Variants in CCER2 observed in about 807,000 individuals in gnomAD.
The protein encoded by CCER2 is coiled-coil domain-containing glutamate-rich protein 2.
In CCER2, 20 loss-of-function variants were observed where a neutral mutation model predicts 27.1. That is an observed-to-expected ratio of 0.74 (90% CI 0.52 to 1.07). CCER2 has a LOEUF of 1.07. CCER2 is among the 50% of genes least tolerant of loss of function. The pLI, the probability that CCER2 is intolerant of heterozygous loss-of-function variation, is 0.00. For synonymous variants in CCER2, 140 were observed against 144.3 expected (o/e 0.97, Z 0.21); for missense variants, 351 against 344.7 (o/e 1.02, Z -0.14).
Position 38,912,137 on chromosome 19 carries a change from A to T in CCER2, c.22T>A (p.Ser8Thr). ...AGCAGCCGCAGCAGCAGCAGCTCAG[A>T]GGCTGGCCCTCGGGGCGGCATGGTG... Reference protein sequence around the residue: MPPRGPASELLLLRLLLL... With the variant: MPPRGPATELLLLRLLLL... The change falls in exon 1 of 5, where the codon TCT becomes ACT. Residue 8 changes from serine to threonine, a missense_variant. Ser to Thr is a moderately conservative substitution (Grantham distance 58). Transcript: ENST00000571838. 6.7e-7 allele frequency: 1 copy of T among 1,503,116 alleles called. No individual in the cohort carries two copies. Among genetic ancestry groups the T allele is most frequent in the Non-Finnish European group, 8.8e-7 (1 of 1,133,104 alleles). The allele number at this position is 1,503,116 out of a possible 1,614,324, so 93.1% of individuals were successfully genotyped here.
intron 4 of CCER2, 104 bp from the exon 5 acceptor site, chr19:38,909,429 G>A: frequency 9.4e-7 from 1 of 1,066,796 alleles, no homozygotes; most frequent in South Asian, 1.4e-5. Flanking sequence ...GCATCCAGCA[G>A]CGGTCGTTCT....
chr19:38,911,544 G>T, intron 3 of CCER2, 22 bp downstream of exon 3: 1 of 1,532,964 alleles, frequency 6.5e-7, no homozygotes, highest in Non-Finnish European at 8.7e-7. Flanking sequence ...TGGAGGGCAA[G>T]TGGGGCCCGG....
In CCER2 at chr19:38,910,693, T is replaced by G. The variant is rs1600156140; in HGVS notation, c.581A>C (p.Asp194Ala). The G allele has an allele frequency of 6.5e-7, 1 of 1,533,352 alleles. No individual in the cohort carries two copies. Among genetic ancestry groups the G allele is most frequent in the South Asian group, 1.2e-5 (1 of 83,676 alleles). The allele number at this position is 1,533,352 out of a possible 1,614,324, so 95.0% of individuals were successfully genotyped here. A position where few individuals can be genotyped will look rare whatever the true frequency, so the allele number is the denominator to read the frequency against. ...CTCGGCCCCCTGCCACAGGCTGCGG[T>G]CCCCGCCCAGCACCCGCACCCCCTT... ...EEKGVRVLGG[D>A]RSLWQGAERG... Residue 194 changes from aspartate (D) to alanine (A), a missense_variant, in exon 4 of 5, where the codon GAC (aspartate) becomes GCC (alanine). Asp to Ala is a moderately radical substitution (Grantham distance 126). Coordinates refer to ENST00000571838, the MANE Select transcript of CCER2 (RefSeq NM_001243212.2).
In CCER2 at chr19:38,909,225, T is replaced by C; in HGVS notation, c.*11A>G. ...GGGTGTGTCAGGAGGAAGGAGGGAC[T>C]GAGGTAGGGGTCAGCCCTCCCTCCT... On this transcript the variant is annotated 3_prime_UTR_variant, in exon 5 of 5. Coordinates refer to ENST00000571838, the MANE Select transcript of CCER2 (RefSeq NM_001243212.2). The C allele has an allele frequency of 6.5e-7, 1 of 1,534,298 alleles. No individual in the cohort carries two copies. The highest frequency in any genetic ancestry group is 8.7e-7 in the Non-Finnish European group (1 of 1,145,648).
Position 38,911,189 on chromosome 19 carries a change from C to T in CCER2, c.191-106G>A, listed in dbSNP as rs1015656123. Reference sequence around the variant, plus strand: ...CAGCACTTTGGGAGGCCGTGGCGGCCGATCACCTGAGGTCAGGAGTTTGAA... The same window carrying T: ...CAGCACTTTGGGAGGCCGTGGCGGCTGATCACCTGAGGTCAGGAGTTTGAA... On this transcript the variant is annotated intron_variant, in intron 3 of 4. Transcript: ENST00000571838. 28 of 1,180,208 alleles carry T rather than the reference C, an allele frequency of 2.4e-5. 1 individual carries two copies. In the South Asian group the frequency reaches 3.0e-4, roughly 13 times the overall value. 73.1% of individuals were successfully genotyped at this position (1,180,208 alleles called of 1,614,324 possible). A position where few individuals can be genotyped will look rare whatever the true frequency, so the allele number is the denominator to read the frequency against.
intron 4 of CCER2, 102 bp downstream of exon 4, chr19:38,910,461 G>T: frequency 7.1e-7 from 1 of 1,398,646 alleles, no homozygotes; most frequent in Non-Finnish European, 9.3e-7. Context: ...TGGATCTGGT[G>T]GTGCAGGGCC....
Position 38,912,114 on chromosome 19 carries a change from C to T in CCER2, c.45G>A (p.Leu15=). 1 of 1,515,332 alleles carries T rather than the reference C, an allele frequency of 6.6e-7. No individual in the cohort carries two copies. Among genetic ancestry groups the T allele is most frequent in the Non-Finnish European group, 8.8e-7 (1 of 1,138,434 alleles). 93.9% of individuals were successfully genotyped at this position (1,515,332 alleles called of 1,614,324 possible). ...CGCACTCACCCGCCCCCAGCAGGAG[C>T]AGCCGCAGCAGCAGCAGCTCAGAGG... ...GPASELLLLR[L]LLLGAATAAP... Residue 15 remains leucine (L), a synonymous_variant, in exon 1 of 5, where the codon CTG becomes CTA. Transcript: ENST00000571838.
At position 38,911,815 on chromosome 19, in the gene CCER2, C is replaced by G. The variant is rs76973734; in HGVS notation, c.99G>C (p.Glu33Asp). The G allele has an allele frequency of 0.2, 310,428 of 1,534,808 alleles. 32,410 individuals are homozygous for G. Among genetic ancestry groups the G allele is most frequent in the East Asian group, 0.29 (12,036 of 40,850 alleles). The change falls in exon 2 of 5, where the codon GAG (glutamate) becomes GAC (aspartate). Residue 33 changes from glutamate to aspartate, a missense_variant. Coordinates refer to ENST00000571838, the MANE Select transcript of CCER2 (RefSeq NM_001243212.2). ...GCAAGGCCTCCACACTCCTCACCTCCTCCTTGGAGGGTCTCGGTGCCAAGG... is the reference window on the plus strand; with the variant it reads ...GCAAGGCCTCCACACTCCTCACCTCGTCCTTGGAGGGTCTCGGTGCCAAGG... ...AAPLAPRPSKEELTRCLAEVV... is the reference protein window; with the variant it reads ...AAPLAPRPSKDELTRCLAEVV...
At chr19:38,912,014 T>C (rs1259353045) in intron 1 of CCER2, 84 bp downstream of exon 1, 2 of 1,487,096 alleles carry the variant, frequency 1.3e-6, no homozygotes, top group Admixed American at 2.2e-5. Flanking sequence ...GCCTCTCCAC[T>C]GGGTGCACTG....
In CCER2 at chr19:38,910,951, ACCT is replaced by A. The variant is rs761558681; in HGVS notation, c.320_322del (p.Glu107del). 1.3e-6 allele frequency: 2 copies of A among 1,516,550 alleles called. No homozygotes were observed. Among genetic ancestry groups the A allele is most frequent in the South Asian group, 2.5e-5 (2 of 80,480 alleles). The allele number at this position is 1,516,550 out of a possible 1,614,324, so 93.9% of individuals were successfully genotyped here. A position where few individuals can be genotyped will look rare whatever the true frequency, so the allele number is the denominator to read the frequency against. Reference sequence around the variant, plus strand: ...CTCAGACTTGTGGGTCCTCTCTGCTACCTCCTCCTCTTCCTCATCCCTCACCTC... The same window carrying A: ...CTCAGACTTGTGGGTCCTCTCTGCTACCTCCTCTTCCTCATCCCTCACCTC... On this transcript the variant is annotated inframe_deletion, in exon 4 of 5. Transcript: ENST00000571838.
chr19:38,911,747 C>T, intron 2 of CCER2, 65 bp downstream of exon 2: 1 of 1,526,768 alleles, frequency 6.5e-7, no homozygotes, highest in Non-Finnish European at 8.8e-7. Context: ...GATCATGGGG[C>T]AGGCTGTGCA....
Position 38,910,697 on chromosome 19 carries a change from C to A in CCER2, c.577G>T (p.Gly193Trp). 2 of 1,533,304 alleles carry A rather than the reference C, an allele frequency of 1.3e-6. No individual in the cohort carries two copies. The highest frequency in any genetic ancestry group is 1.7e-6 in the Non-Finnish European group (2 of 1,145,562). 95.0% of individuals were successfully genotyped at this position (1,533,304 alleles called of 1,614,324 possible). A position where few individuals can be genotyped will look rare whatever the true frequency, so the allele number is the denominator to read the frequency against. ...AEEKGVRVLG[G>W]DRSLWQGAER... is the part of the protein sequence containing the mutation. The stretch of plus-strand genomic sequence containing the variant: ...GCCCCCTGCCACAGGCTGCGGTCCC[C>A]GCCCAGCACCCGCACCCCCTTCTCC... The change falls in exon 4 of 5, where the codon GGG becomes TGG. Residue 193 changes from glycine to tryptophan, a missense_variant. Transcript: ENST00000571838.
chr19:38,909,234 G>A lies in CCER2; in HGVS notation c.*2C>T. The A allele has an allele frequency of 1.3e-6, 2 of 1,535,164 alleles. No homozygotes were observed. Among genetic ancestry groups the A allele is most frequent in the Non-Finnish European group, 1.7e-6 (2 of 1,146,496 alleles). ...AGGAGGAAGGAGGGACTGAGGTAGG[G>A]GTCAGCCCTCCCTCCTGAGCTGCTC... On this transcript the variant is annotated 3_prime_UTR_variant, in exon 5 of 5. Transcript: ENST00000571838.
In CCER2 at chr19:38,910,958, C is replaced by G. The variant is rs1456334954; in HGVS notation, c.316G>C (p.Glu106Gln). The change falls in exon 4 of 5, where the codon GAG becomes CAG. Residue 106 changes from glutamate to glutamine, a missense_variant. By Grantham distance (29) the Glu-to-Gln change is conservative. Transcript: ENST00000571838. ...TTGTGGGTCCTCTCTGCTACCTCCT[C>G]CTCTTCCTCATCCCTCACCTCCTGG... The part of the protein sequence containing the change: ...SSQEVRDEEE[E>Q]EVAERTHKSE... The G allele has an allele frequency of 2.0e-6, 3 of 1,520,980 alleles. No individual in the cohort carries two copies. Among genetic ancestry groups the G allele is most frequent in the Non-Finnish European group, 2.6e-6 (3 of 1,139,422 alleles). The allele number at this position is 1,520,980 out of a possible 1,614,324, so 94.2% of individuals were successfully genotyped here.
At position 38,912,181 on chromosome 19, in the gene CCER2, G is replaced by A. The variant is rs1252032989; in HGVS notation, c.-23C>T. 1 of 1,458,166 alleles carries A rather than the reference G, an allele frequency of 6.9e-7. No homozygotes were observed. The highest frequency in any genetic ancestry group is 9.0e-7 in the Non-Finnish European group (1 of 1,110,746). 90.3% of individuals were successfully genotyped at this position (1,458,166 alleles called of 1,614,324 possible). On this transcript the variant is annotated 5_prime_UTR_variant, in exon 1 of 5. Transcript: ENST00000571838. ...CATGGTGGGCGTCCAACGGGTCCAAGGCGCTGTGCGGGCCAGGGTTGCAGC... is the reference window on the plus strand; with the variant it reads ...CATGGTGGGCGTCCAACGGGTCCAAAGCGCTGTGCGGGCCAGGGTTGCAGC...
intron 1 of CCER2, 117 bp downstream of exon 1, chr19:38,911,981 C>G: frequency 6.8e-7 from 1 of 1,476,154 alleles, no homozygotes; most frequent in South Asian, 1.3e-5. Flanking sequence ...GTACTGTCCC[C>G]CGCTGGAGGC....
intron 4 of CCER2, among the ~76,000 whole-genome samples, chr19:38,909,852 G>A (rs1030154253): frequency 2.1e-4 from 32 of 150,672 alleles, no homozygotes; most frequent in Admixed American, 1.7e-3. Context: ...GGGATTACAG[G>A]CACGAACCAC....
chr19:38,909,084 G>T lies in CCER2; in HGVS notation c.*152C>A. 1.0e-6 allele frequency: 1 copy of T among 990,824 alleles called. No homozygotes were observed. The allele number at this position is 990,824 out of a possible 1,614,324, so 61.4% of individuals were successfully genotyped here. A position where few individuals can be genotyped will look rare whatever the true frequency, so the allele number is the denominator to read the frequency against. ...TGAGCCCAGCCCCCGGCCCAGCTCA[G>T]ACTCACCTCCTTGGGTGTGGTTCCA... On this transcript the variant is annotated 3_prime_UTR_variant, in exon 5 of 5. Coordinates refer to ENST00000571838, the MANE Select transcript of CCER2 (RefSeq NM_001243212.2).
At position 38,912,116 on chromosome 19, in the gene CCER2, G is replaced by T. The variant is rs562257686; in HGVS notation, c.43C>A (p.Leu15Met). ...CACTCACCCGCCCCCAGCAGGAGCA[G>T]CCGCAGCAGCAGCAGCTCAGAGGCT... ...GPASELLLLR[L>M]LLLGAATAAP... The change falls in exon 1 of 5, where the codon CTG (leucine) becomes ATG (methionine). Residue 15 changes from leucine (L) to methionine (M), a missense_variant. By Grantham distance (15) the Leu-to-Met change is conservative (BLOSUM62 2). Transcript: ENST00000571838. The T allele has an allele frequency of 1.8e-5, 27 of 1,516,130 alleles. No homozygotes were observed. The African/African-American group carries it at 3.5e-4, about 19-fold the overall frequency. The allele number at this position is 1,516,130 out of a possible 1,614,324, so 93.9% of individuals were successfully genotyped here.
Sources: allele counts gnomAD v4.1 joint callset (sites outside exome capture counted in the v4.1 genomes callset), GRCh38; gene constraint gnomAD v4.1.1; transcripts MANE v1.5; gene names NCBI Gene and HGNC (gene_info 2026-07-23, HGNC 2026-07-21).